MCPH1: variants seen among roughly 807,000 people sequenced by gnomAD.
The protein encoded by MCPH1 is microcephalin 1.
MCPH1 carries 104 observed loss-of-function variants against 84.5 expected under a neutral mutation model. The ratio of observed to expected loss-of-function variants is 1.23; its 90% CI spans 1.05 to 1.45. The LOEUF (loss-of-function observed/expected upper bound fraction) is 1.45, where lower values mean the gene tolerates loss of function less well. Among genes scored for constraint, MCPH1 ranks in the 40% most tolerant of loss-of-function variants. The pLI, the probability that MCPH1 is intolerant of heterozygous loss-of-function variation, is 0.00. For synonymous variants in MCPH1, 514 were observed against 366.8 expected (o/e 1.40, Z -4.58); for missense variants, 1,498 against 1,005.7 (o/e 1.49, Z -6.62).
chr8:6,420,339 C>T (rs571220726), intron 3 of MCPH1, among the ~76,000 whole-genome samples: 111 of 152,166 alleles, frequency 7.3e-4, no homozygotes, highest in African/African-American at 2.6e-3. Flanking sequence ...GTTCTCCAGG[C>T]TGTACTACTT....
At position 6,431,525 on chromosome 8, in the gene MCPH1, A is replaced by G. The variant is rs769516261; in HGVS notation, c.260A>G (p.Asp87Gly). ...EKCRTAGAHI[D>G]ESLFPAANMN... ...TGCAGGACAGCTGGAGCACACATTG[A>G]TGAATCATTGTTCCCTGCAGCTAAT... The change falls in exon 4 of 14, where the codon GAT (aspartate) becomes GGT (glycine). Residue 87 changes from aspartate to glycine, a missense_variant. Transcript: ENST00000344683. 4 of 1,613,738 alleles carry G rather than the reference A, an allele frequency of 2.5e-6. No homozygotes were observed. Among genetic ancestry groups the G allele is most frequent in the African/African-American group, 2.7e-5 (2 of 75,034 alleles).
At position 6,647,253 on chromosome 8, in the gene MCPH1, T is replaced by C. The variant is rs1798257655; in HGVS notation, c.*4204T>C. Reference sequence around the variant, plus strand: ...TATTACACACCCATTAGAATGACTGTAAACAACAAGACTGATAATTCCAAC... The same window carrying C: ...TATTACACACCCATTAGAATGACTGCAAACAACAAGACTGATAATTCCAAC... On this transcript the variant is annotated 3_prime_UTR_variant, in exon 14 of 14. Transcript: ENST00000344683. 6.6e-6 allele frequency: 1 copy of C among 152,222 alleles called. No homozygotes were observed. Among genetic ancestry groups the C allele is most frequent in the African/African-American group, 2.4e-5 (1 of 41,456 alleles). The allele number at this position is 152,222 out of a possible 1,614,324, so 9.4% of individuals were successfully genotyped here.
chr8:6,533,764 T>C (rs554815470), intron 12 of MCPH1, among the ~76,000 whole-genome samples: 3 of 152,260 alleles, frequency 2.0e-5, no homozygotes, highest in East Asian at 3.9e-4. Context: ...TTTAAAAACT[T>C]AGAATTCTTT....
intron 6 of MCPH1, among the ~76,000 whole-genome samples, chr8:6,439,326 C>G (rs939399595): frequency 5.3e-5 from 8 of 149,640 alleles, no homozygotes; most frequent in African/African-American, 2.0e-4. Flanking sequence ...TGTTGTAGCT[C>G]CTTTGTAATT....
intron 8 of MCPH1, among the ~76,000 whole-genome samples, chr8:6,448,673 A>G (rs1173323700): frequency 6.6e-6 from 1 of 152,210 alleles, no homozygotes; most frequent in African/African-American, 2.4e-5. Flanking sequence ...ATATTTTAAG[A>G]GAATTTTTTG....
chr8:6,602,160 C>G (rs1228117668), intron 12 of MCPH1, among the ~76,000 whole-genome samples: 1 of 152,180 alleles, frequency 6.6e-6, no homozygotes, highest in Non-Finnish European at 1.5e-5. Flanking sequence ...CTCAGGAAAA[C>G]CAGTGTCCTT....
chr8:6,590,695 A>C (rs1411969235), intron 12 of MCPH1, among the ~76,000 whole-genome samples: 1 of 152,244 alleles, frequency 6.6e-6, no homozygotes, highest in Non-Finnish European at 1.5e-5. Context: ...AAGCCTGGAA[A>C]AGCAGTTTAT....
chr8:6,445,017 A>C lies in MCPH1; in HGVS notation c.1295A>C (p.Glu432Ala). 1 of 1,614,222 alleles carries C rather than the reference A, an allele frequency of 6.2e-7. No individual in the cohort carries two copies. The highest frequency in any genetic ancestry group is 1.3e-5 in the African/African-American group (1 of 75,062). ...KERYSENLPP[E>A]SQLPSSPAQL... ...AGGTATTCAGAGAATCTTCCTCCTG[A>C]ATCTCAGCTGCCATCAAGCCCTGCT... The change falls in exon 8 of 14, where the codon GAA becomes GCA. Residue 432 changes from glutamate (E) to alanine (A), a missense_variant. Transcript: ENST00000344683.
chr8:6,626,227 A>G, intron 13 of MCPH1: 15 of 985,372 alleles, frequency 1.5e-5, no homozygotes, highest in Non-Finnish European at 1.7e-5. Context: ...CAGGGAGTGG[A>G]GGTGTGAAGT....
intron 12 of MCPH1, among the ~76,000 whole-genome samples, chr8:6,555,081 A>C (rs945366870): frequency 6.6e-6 from 1 of 152,142 alleles, no homozygotes; most frequent in African/African-American, 2.4e-5. Context: ...CAAATGGTTC[A>C]TACTGGTATT....
intron 12 of MCPH1, among the ~76,000 whole-genome samples, chr8:6,579,587 C>G (rs1048410273): frequency 1.3e-5 from 2 of 152,166 alleles, no homozygotes; most frequent in Non-Finnish European, 2.9e-5. Context: ...AGTGTTTGGA[C>G]TTTTTGCTCA....
chr8:6,424,838 TC>T (rs1201169775), intron 3 of MCPH1, among the ~76,000 whole-genome samples: 9 of 152,252 alleles, frequency 5.9e-5, no homozygotes, highest in African/African-American at 1.9e-4. Flanking sequence ...CCTGTGTTCT[TC>T]CTTGTGTGTC....
intron 12 of MCPH1, among the ~76,000 whole-genome samples, chr8:6,613,947 C>T (rs1298254131): frequency 6.6e-6 from 1 of 152,082 alleles, no homozygotes; most frequent in Non-Finnish European, 1.5e-5. Flanking sequence ...TTGAAGTGAT[C>T]ACCAGAATAG....
At chr8:6,607,064 G>A (rs1680825381) in intron 12 of MCPH1, among the ~76,000 whole-genome samples, 1 of 152,194 alleles carries the variant, frequency 6.6e-6, no homozygotes, top group East Asian at 1.9e-4. Flanking sequence ...ATGGTGTTCA[G>A]GACACACTGT....
chr8:6,409,397 C>T (rs1344950745), intron 2 of MCPH1, 27 bp downstream of exon 2: 6 of 1,508,892 alleles, frequency 4.0e-6, no homozygotes, highest in Non-Finnish European at 5.5e-6. Context: ...GCTGTTGATT[C>T]ATATGACAGT....
chr8:6,409,258 AT>A lies in MCPH1; in HGVS notation c.23-20del, dbSNP rs772511096. On this transcript the variant is annotated intron_variant, in intron 1 of 13. Coordinates refer to ENST00000344683, the MANE Select transcript of MCPH1 (RefSeq NM_024596.5). ...TGCTGGAATTTCAAATGTATGTTTC[AT>A]GTTCATATCTTGTTTTCAGATGTAG... The A allele has an allele frequency of 3.2e-6, 5 of 1,581,834 alleles. No individual in the cohort carries two copies. In the African/African-American group the frequency reaches 6.7e-5, roughly 21 times the overall value.
intron 13 of MCPH1, among the ~76,000 whole-genome samples, chr8:6,629,480 T>C (rs556797032): frequency 6.6e-6 from 1 of 151,936 alleles, no homozygotes; most frequent in South Asian, 2.1e-4. Flanking sequence ...AAAAATAAAA[T>C]AAAGGAAGAC....
intron 12 of MCPH1, chr8:6,621,194 T>G (rs1831374723): frequency 1.9e-6 from 1 of 524,854 alleles, no homozygotes; most frequent in Non-Finnish European, 3.4e-6. Context: ...GGCTTTGGAA[T>G]AATTCAAAGG....
At chr8:6,616,208 A>C (rs1387615746) in intron 12 of MCPH1, 1 of 152,190 alleles carries the variant, frequency 6.6e-6, no homozygotes, top group South Asian at 2.1e-4. Context: ...TTGAGATGGG[A>C]AAGTGCATCT....
Sources: gnomAD v4.1 joint callset for allele counts (sites outside exome capture counted in the v4.1 genomes callset) on GRCh38, gnomAD v4.1.1 for gene constraint, MANE v1.5 for transcripts, NCBI Gene and HGNC (gene_info 2026-07-23, HGNC 2026-07-21) for gene names.